Variants in TMEM217 observed in about 807,000 individuals in gnomAD.
TMEM217 encodes transmembrane protein 217, also known as chromosome 6 open reading frame 128.
For missense variants in TMEM217, 204 were observed against 248.8 expected (o/e 0.82, Z 1.21); for synonymous variants, 76 against 88.3 (o/e 0.86, Z 0.78).
intron 1 of TMEM217, among the ~76,000 whole-genome samples, chr6:37,220,361 G>A (rs1763435046): frequency 6.6e-6 from 1 of 152,202 alleles, no homozygotes; most frequent in Non-Finnish European, 1.5e-5. Context: ...GGTCCACCAA[G>A]GTGAGGAGTC....
intron 1 of TMEM217, among the ~76,000 whole-genome samples, chr6:37,234,749 T>G (rs1044618376): frequency 2.0e-5 from 3 of 151,400 alleles, no homozygotes; most frequent in African/African-American, 7.3e-5. Flanking sequence ...AAAAAGAAAA[T>G]AAAATAAATA....
intron 1 of TMEM217, among the ~76,000 whole-genome samples, chr6:37,243,674 C>T (rs1203205807): frequency 6.6e-6 from 1 of 152,196 alleles, no homozygotes; most frequent in East Asian, 1.9e-4. Context: ...TCTCGGCTCA[C>T]TGCAACCTCC....
At position 37,218,851 on chromosome 6, in the gene TMEM217, G is replaced by A. The variant is rs149599731; in HGVS notation, c.180C>T (p.Ile60=). The A allele has an allele frequency of 2.0e-5, 32 of 1,614,108 alleles. No homozygotes were observed. The African/African-American group carries it at 2.1e-4, about 11-fold the overall frequency. ...GGACGATTTTAAAACTCCAGCAGAT[G>A]ATGAAGTTATTTATGATGTTACTTG... Residue 60 remains isoleucine, a synonymous_variant, in exon 2 of 2, where the codon ATC becomes ATT. Transcript: ENST00000357219.
chr6:37,232,239 A>G (rs1025898841), intron 1 of TMEM217, among the ~76,000 whole-genome samples: 1 of 152,242 alleles, frequency 6.6e-6, no homozygotes, highest in Non-Finnish European at 1.5e-5. Context: ...GATCACAAAC[A>G]GAATAACATG....
chr6:37,220,393 A>T (rs1483077867), intron 1 of TMEM217, among the ~76,000 whole-genome samples: 2 of 152,170 alleles, frequency 1.3e-5, no homozygotes, highest in African/African-American at 4.8e-5. Flanking sequence ...AGTTGTGAGC[A>T]TCCCCAAAGG....
At chr6:37,248,963 G>T (rs1172324429) in intron 1 of TMEM217, among the ~76,000 whole-genome samples, 1 of 152,134 alleles carries the variant, frequency 6.6e-6, no homozygotes, top group Admixed American at 6.5e-5. Context: ...GGTTCTGGTG[G>T]CTCCAGGTAT....
exon 4 of TMEM217, chr6:37,212,311 G>T: frequency 2.8e-6 from 1 of 354,752 alleles, no homozygotes; most frequent in South Asian, 2.1e-5. Context: ...AAACTCAAAA[G>T]CCCTGACAAA....
intron 1 of TMEM217, 131 bp downstream of exon 1, chr6:37,257,437 C>G (rs1344070368): frequency 6.5e-6 from 1 of 153,744 alleles, no homozygotes; most frequent in African/African-American, 2.4e-5. Context: ...TGGGCCCTTA[C>G]TTTTAGGTGA....
chr6:37,214,434 C>T (rs1447208933), downstream of TMEM217, among the ~76,000 whole-genome samples: 1 of 152,174 alleles, frequency 6.6e-6, no homozygotes, highest in Non-Finnish European at 1.5e-5. Flanking sequence ...ACCATGTTGG[C>T]CAGGCTGGTC....
At chr6:37,252,637 A>ATTTTTTTTT (rs374265453) in intron 1 of TMEM217, among the ~76,000 whole-genome samples, 3 of 71,358 alleles carry the variant, frequency 4.2e-5, no homozygotes, top group African/African-American at 1.6e-4. Flanking sequence ...ATATATATAT[A>ATTTTTTTTT]TTTTTTTTTT....
chr6:37,219,207 G>C (rs1763387321), intron 1 of TMEM217, among the ~76,000 whole-genome samples, 166 bp from the exon 2 acceptor site: 1 of 152,150 alleles, frequency 6.6e-6, no homozygotes. Flanking sequence ...AAATAGATTG[G>C]GGGTGGGGAA....
intron 1 of TMEM217, among the ~76,000 whole-genome samples, chr6:37,224,273 G>T (rs1297207703): frequency 6.6e-6 from 1 of 151,284 alleles, no homozygotes; most frequent in Non-Finnish European, 1.5e-5. Flanking sequence ...GGGACCACAG[G>T]TGCATACTAC....
downstream of TMEM217, among the ~76,000 whole-genome samples, chr6:37,215,745 T>G: frequency 6.6e-6 from 1 of 152,076 alleles, no homozygotes; most frequent in African/African-American, 2.4e-5. Flanking sequence ...AGGCAATAGC[T>G]GAGCTTGGGT....
At chr6:37,254,201 A>G (rs1423337293) in intron 1 of TMEM217, among the ~76,000 whole-genome samples, 1 of 152,308 alleles carries the variant, frequency 6.6e-6, no homozygotes, top group Non-Finnish European at 1.5e-5. Flanking sequence ...CTGAATCAGA[A>G]TCTAGGTTTT....
intron 1 of TMEM217, among the ~76,000 whole-genome samples, chr6:37,252,609 ATGTGTGTG>A (rs375935772): frequency 0.34 from 11,836 of 35,046 alleles, 615 homozygotes; most frequent in Non-Finnish European, 0.38. Context: ...GTGTGTGTGT[ATGTGTGTG>A]TATATATATA....
chr6:37,233,233 C>T (rs927856299), intron 1 of TMEM217, among the ~76,000 whole-genome samples: 1 of 152,058 alleles, frequency 6.6e-6, no homozygotes. Context: ...ATGTACCTTC[C>T]TCTTGCTCAT....
intron 1 of TMEM217, among the ~76,000 whole-genome samples, chr6:37,245,134 TC>T (rs1157969692): frequency 6.6e-6 from 1 of 152,154 alleles, no homozygotes; most frequent in East Asian, 1.9e-4. Flanking sequence ...AATGAGGAAG[TC>T]CAACAAGATG....
chr6:37,225,041 C>A (rs1763747691), intron 1 of TMEM217, among the ~76,000 whole-genome samples: 1 of 150,354 alleles, frequency 6.7e-6, no homozygotes, highest in Admixed American at 6.6e-5. Flanking sequence ...ACCACCAAAA[C>A]CAAAAATTAC....
chr6:37,233,663 T>A (rs1432487160), intron 1 of TMEM217, among the ~76,000 whole-genome samples: 1 of 152,188 alleles, frequency 6.6e-6, no homozygotes, highest in East Asian at 1.9e-4. Flanking sequence ...ACATATACAT[T>A]CTAACCGTAG....
Sources: gnomAD v4.1 joint callset for allele counts (sites outside exome capture counted in the v4.1 genomes callset) on GRCh38, gnomAD v4.1.1 for gene constraint, MANE v1.5 for transcripts, NCBI Gene and HGNC (gene_info 2026-07-23, HGNC 2026-07-21) for gene names.